The following DISC1 variants were observed in gnomAD, a reference collection of about 807,000 sequenced individuals.
DISC1 encodes the protein DISC1 scaffold protein.
In DISC1, 57 loss-of-function variants were observed where a neutral mutation model predicts 84.5. The observed-to-expected ratio is 0.67, with a 90% CI of 0.55 to 0.84. The LOEUF (loss-of-function observed/expected upper bound fraction) is 0.84. Among genes scored for constraint, DISC1 ranks in the 40% least tolerant of loss-of-function variants. The probability of loss-of-function intolerance (pLI) is 0.00; values close to 1 mark genes in which losing one functional copy is unlikely to be tolerated. For missense variants in DISC1, 1,000 were observed against 1,057.8 expected, an observed-to-expected ratio of 0.95 and a Z score of 0.76; for synonymous variants, 411 against 415.2, an observed-to-expected ratio of 0.99 and a Z score of 0.12.
chr1:231,968,243 A>C (rs1269824842), intron 10 of DISC1, among the ~76,000 whole-genome samples: 3 of 152,150 alleles, frequency 2.0e-5, no homozygotes, highest in African/African-American at 7.2e-5. Flanking sequence ...AGTTCTTCGG[A>C]GAGAGAAAGC....
intron 6 of DISC1, among the ~76,000 whole-genome samples, chr1:231,778,340 G>T (rs1245172421): frequency 6.6e-6 from 1 of 152,190 alleles, no homozygotes; most frequent in Non-Finnish European, 1.5e-5. Context: ...GTCTTTTCTG[G>T]TTCTACAATA....
chr1:231,895,858 A>G (rs1449914279), intron 9 of DISC1, among the ~76,000 whole-genome samples: 1 of 152,168 alleles, frequency 6.6e-6, no homozygotes, highest in East Asian at 1.9e-4. Context: ...CTTGTCTTAC[A>G]GTACACCTTT....
chr1:231,893,833 GAGA>G (rs1298445313), intron 9 of DISC1, among the ~76,000 whole-genome samples: 1 of 152,192 alleles, frequency 6.6e-6, no homozygotes, highest in Non-Finnish European at 1.5e-5. Context: ...AGAGAAAGGA[GAGA>G]AGGAGGACTT....
intron 3 of DISC1, chr1:231,722,585 A>G: frequency 6.2e-7 from 1 of 1,614,210 alleles, no homozygotes; most frequent in East Asian, 2.2e-5. Flanking sequence ...CGACATCCTG[A>G]ACCAAACTCC....
chr1:231,795,714 C>T (rs762953164), intron 7 of DISC1, among the ~76,000 whole-genome samples: 1 of 152,240 alleles, frequency 6.6e-6, no homozygotes, highest in Non-Finnish European at 1.5e-5. Context: ...CATTGTGAAA[C>T]CCCGTCTCTC....
intron 10 of DISC1, among the ~76,000 whole-genome samples, chr1:231,983,104 A>T (rs1426077694): frequency 6.6e-6 from 1 of 152,104 alleles, no homozygotes; most frequent in Non-Finnish European, 1.5e-5. Context: ...GACCATGGCA[A>T]ACTGGATAGC....
intron 9 of DISC1, among the ~76,000 whole-genome samples, chr1:231,886,811 CTT>C (rs760369544): frequency 3.6e-5 from 5 of 139,652 alleles, no homozygotes; most frequent in South Asian, 2.4e-4. Context: ...TTCTTTCTTT[CTT>C]TCTTTCTTTC....
intron 9 of DISC1, among the ~76,000 whole-genome samples, chr1:231,846,843 AAAG>A: frequency 6.6e-6 from 1 of 152,350 alleles, no homozygotes; most frequent in East Asian, 1.9e-4. Flanking sequence ...ACTGTTGAAA[AAAG>A]ACTCTGGGAT....
chr1:231,912,805 CTTTT>C (rs1464989012), intron 9 of DISC1, among the ~76,000 whole-genome samples: 73 of 121,006 alleles, frequency 6.0e-4, no homozygotes, highest in Admixed American at 2.4e-3. Context: ...TTCTTTCTTT[CTTTT>C]TCTTTCCTTG....
At chr1:231,952,693 ATATATATATATATATATATATG>A (rs1658672762) in intron 9 of DISC1, among the ~76,000 whole-genome samples, 3 of 92,086 alleles carry the variant, frequency 3.3e-5, no homozygotes, top group East Asian at 1.9e-3. Context: ...ATATATGTTT[ATATATATATATATATATATATG>A]TATATATATA....
At chr1:231,673,209 C>T (rs2062791001) in intron 1 of DISC1, among the ~76,000 whole-genome samples, 1 of 152,208 alleles carries the variant, frequency 6.6e-6, no homozygotes, top group Admixed American at 6.5e-5. Flanking sequence ...AGTTTTAGTG[C>T]TTTATTACTT....
chr1:231,753,464 G>A (rs762359831), intron 4 of DISC1, among the ~76,000 whole-genome samples: 1 of 152,208 alleles, frequency 6.6e-6, no homozygotes, highest in African/African-American at 2.4e-5. Flanking sequence ...AGTGTGAGGA[G>A]CAGTGTCCTG....
intron 10 of DISC1, among the ~76,000 whole-genome samples, chr1:231,973,804 G>A (rs913386655): frequency 5.9e-5 from 9 of 152,040 alleles, no homozygotes; most frequent in African/African-American, 1.9e-4. Context: ...ATAAATAGTC[G>A]TATTAATAGT....
chr1:231,946,789 A>G (rs973904278), intron 9 of DISC1, among the ~76,000 whole-genome samples: 1 of 152,220 alleles, frequency 6.6e-6, no homozygotes, highest in Non-Finnish European at 1.5e-5. Flanking sequence ...TGCAAAAATC[A>G]CAAGCATTCC....
chr1:232,003,644 T>C (rs971381093), intron 10 of DISC1, among the ~76,000 whole-genome samples: 1 of 152,118 alleles, frequency 6.6e-6, no homozygotes, highest in African/African-American at 2.4e-5. Context: ...CTCATTCTTT[T>C]TGGACATATA....
At chr1:231,746,121 A>G (rs1305137557) in intron 3 of DISC1, among the ~76,000 whole-genome samples, 1 of 152,144 alleles carries the variant, frequency 6.6e-6, no homozygotes, top group Non-Finnish European at 1.5e-5. Flanking sequence ...TTTATAAATT[A>G]CCCAGCCTCA....
At chr1:231,660,953 C>A (rs1310576566) in intron 1 of DISC1, among the ~76,000 whole-genome samples, 1 of 152,102 alleles carries the variant, frequency 6.6e-6, no homozygotes, top group Non-Finnish European at 1.5e-5. Context: ...GATGAATTCT[C>A]TCAGCCTTTG....
chr1:231,951,087 A>T (rs1430512686), intron 9 of DISC1, among the ~76,000 whole-genome samples: 1 of 152,250 alleles, frequency 6.6e-6, no homozygotes, highest in Non-Finnish European at 1.5e-5. Context: ...CAACTGAGTC[A>T]CAGGATGATG....
chr1:232,020,116 C>G (rs1668826396), intron 11 of DISC1, among the ~76,000 whole-genome samples: 1 of 152,026 alleles, frequency 6.6e-6, no homozygotes. Context: ...CCAAGGCAGG[C>G]AGATCACCTG....
Sources: gnomAD v4.1 joint callset for allele counts (sites outside exome capture counted in the v4.1 genomes callset) on GRCh38, gnomAD v4.1.1 for gene constraint, MANE v1.5 for transcripts, NCBI Gene and HGNC (gene_info 2026-07-23, HGNC 2026-07-21) for gene names.